The following FYB2 variants were observed in gnomAD, a reference collection of about 807,000 sequenced individuals.
The protein encoded by FYB2 is FYN binding protein 2, also known as FYN-binding protein 2.
In FYB2, 103 loss-of-function variants were observed where a neutral mutation model predicts 94.1. The observed-to-expected ratio is 1.09, with a 90% CI of 0.93 to 1.29. The LOEUF (loss-of-function observed/expected upper bound fraction) is 1.29. FYB2 is among the 50% of genes most tolerant of loss of function. The pLI, the probability that FYB2 is intolerant of heterozygous loss-of-function variation, is 0.00. For synonymous variants in FYB2, 293 were observed against 287.9 expected (o/e 1.02, Z -0.18); for missense variants, 896 against 841.5 (o/e 1.06, Z -0.80).
intron 11 of FYB2, 36 bp from the exon 12 acceptor site, chr1:56,742,257 T>C (rs559208559): frequency 6.9e-7 from 1 of 1,449,686 alleles, no homozygotes; most frequent in South Asian, 1.2e-5. Flanking sequence ...ATATTCATTA[T>C]AATAGCAATA....
intron 17 of FYB2, among the ~76,000 whole-genome samples, chr1:56,723,370 A>T (rs1644524315): frequency 6.6e-6 from 1 of 151,992 alleles, no homozygotes; most frequent in Non-Finnish European, 1.5e-5. Flanking sequence ...CTTCAAGAAC[A>T]ACTTAGGAGT....
At chr1:56,773,829 G>A (rs1015567010) in intron 4 of FYB2, among the ~76,000 whole-genome samples, 1 of 152,148 alleles carries the variant, frequency 6.6e-6, no homozygotes, top group Non-Finnish European at 1.5e-5. Context: ...AACAGGAGTA[G>A]CTTAGTCAGC....
the FYB2 span, chr1:56,826,518 C>T: frequency 0.042 from 6,446 of 152,410 alleles, 442 homozygotes; most frequent in African/African-American, 0.14. Flanking sequence ...TTGGCCTATC[C>T]CATTTTCTCT....
intron 1 of FYB2, among the ~76,000 whole-genome samples, chr1:56,801,598 G>C (rs994629932): frequency 6.6e-6 from 1 of 152,038 alleles, no homozygotes; most frequent in East Asian, 1.9e-4. Flanking sequence ...AGTAATAAAT[G>C]AACCGTCTCC....
chr1:56,826,002 G>A, the FYB2 span, among the ~76,000 whole-genome samples: 96 of 152,308 alleles, frequency 6.3e-4, 1 homozygote, highest in East Asian at 0.012. Flanking sequence ...AGTGGACTAC[G>A]CCTCACTCAA....
chr1:56,738,222 G>C (rs1226270498), intron 14 of FYB2, among the ~76,000 whole-genome samples: 1 of 152,096 alleles, frequency 6.6e-6, no homozygotes, highest in Non-Finnish European at 1.5e-5. Context: ...ATCATATTCA[G>C]TTAGTGTCTT....
chr1:56,739,789 C>G, intron 13 of FYB2, among the ~76,000 whole-genome samples: 1 of 152,054 alleles, frequency 6.6e-6, no homozygotes, highest in East Asian at 1.9e-4. Flanking sequence ...GTGTTAGATG[C>G]TTTTGCCCAA....
chr1:56,773,717 AC>A (rs1436894388), intron 4 of FYB2, among the ~76,000 whole-genome samples: 1 of 152,192 alleles, frequency 6.6e-6, no homozygotes, highest in Non-Finnish European at 1.5e-5. Flanking sequence ...GACTTGAACA[AC>A]AAAACCTGTT....
At chr1:56,803,379 T>C (rs1646565802) in intron 1 of FYB2, among the ~76,000 whole-genome samples, 1 of 152,198 alleles carries the variant, frequency 6.6e-6, no homozygotes, top group African/African-American at 2.4e-5. Flanking sequence ...AACGAGATCA[T>C]GAACTTTTCC....
chr1:56,735,332 A>G (rs1010938155), intron 15 of FYB2, among the ~76,000 whole-genome samples: 2 of 152,168 alleles, frequency 1.3e-5, no homozygotes, highest in Non-Finnish European at 2.9e-5. Context: ...AGTGGAGGAC[A>G]TTATGTTAAG....
Position 56,753,851 on chromosome 1 carries a change from G to A in FYB2, c.1215C>T (p.Asn405=), listed in dbSNP as rs775852619. 3 of 1,606,828 alleles carry A rather than the reference G, an allele frequency of 1.9e-6. No individual in the cohort carries two copies. Among genetic ancestry groups the A allele is most frequent in the Non-Finnish European group, 2.6e-6 (3 of 1,174,054 alleles). The change falls in exon 8 of 20, where the codon AAC becomes AAT. Residue 405 remains asparagine (N), a synonymous_variant. Coordinates refer to ENST00000343433, the MANE Select transcript of FYB2 (RefSeq NM_001004303.5). ...AGAACATAGGTACCTTGAAAACATG[G>A]TTTGAATATGGTTCCTTTTCTGTGT... ...PKNTEKEPYS[N]HVFKVDACEG...
intron 4 of FYB2, among the ~76,000 whole-genome samples, chr1:56,775,535 C>T (rs897182601): frequency 1.3e-5 from 2 of 152,238 alleles, no homozygotes; most frequent in South Asian, 4.1e-4. Context: ...ATCTTTGGCT[C>T]TATGAAATAG....
chr1:56,757,944 ATTT>A (rs57915983), intron 6 of FYB2, among the ~76,000 whole-genome samples: 29,214 of 139,120 alleles, frequency 0.21, 3,169 homozygotes, highest in African/African-American at 0.3. Context: ...TAATTTTTGT[ATTT>A]TTTTTTTTTT....
intron 8 of FYB2, among the ~76,000 whole-genome samples, chr1:56,752,016 A>G (rs569746762): frequency 1.3e-5 from 2 of 152,060 alleles, no homozygotes; most frequent in African/African-American, 4.8e-5. Context: ...TGGATAAAGG[A>G]GTATCTGGCA....
At chr1:56,800,221 T>C (rs1389956951) in intron 1 of FYB2, among the ~76,000 whole-genome samples, 1 of 152,076 alleles carries the variant, frequency 6.6e-6, no homozygotes, top group African/African-American at 2.4e-5. Flanking sequence ...AACTGTCAAA[T>C]CCTATCTAAG....
chr1:56,753,883 G>C lies in FYB2; in HGVS notation c.1183C>G (p.Pro395Ala), dbSNP rs1203800771. 3.1e-6 allele frequency: 5 copies of C among 1,611,420 alleles called. No individual in the cohort carries two copies. The African/African-American group carries it at 6.7e-5, about 22-fold the overall frequency. ...MKEKQPCELKPKNTEKEPYSN... is the reference protein window; with the variant it reads ...MKEKQPCELKAKNTEKEPYSN... The stretch of plus-strand genomic sequence containing the variant: ...TATGGTTCCTTTTCTGTGTTTTTAG[G>C]TTTCAATTCACATGGTTGTTTTTCC... The change falls in exon 8 of 20, where the codon CCT (proline) becomes GCT (alanine). Residue 395 changes from proline to alanine, a missense_variant. Coordinates refer to ENST00000343433, the MANE Select transcript of FYB2 (RefSeq NM_001004303.5).
intron 15 of FYB2, among the ~76,000 whole-genome samples, chr1:56,727,515 GA>G (rs1289032987): frequency 6.6e-6 from 1 of 151,982 alleles, no homozygotes; most frequent in Non-Finnish European, 1.5e-5. Context: ...ACATTAAAAT[GA>G]AAGGAAAAAT....
intron 5 of FYB2, among the ~76,000 whole-genome samples, chr1:56,761,410 G>A (rs1439637211): frequency 1.3e-5 from 2 of 152,104 alleles, no homozygotes; most frequent in Non-Finnish European, 2.9e-5. Context: ...GTAAGAAACG[G>A]CTTGCAAATT....
intron 2 of FYB2, among the ~76,000 whole-genome samples, chr1:56,789,433 A>C (rs2100954677): frequency 6.6e-6 from 1 of 152,276 alleles, no homozygotes; most frequent in East Asian, 1.9e-4. Context: ...TAAAGCCCAA[A>C]TATTTTTCAC....
Sources: allele counts gnomAD v4.1 joint callset (sites outside exome capture counted in the v4.1 genomes callset), GRCh38; gene constraint gnomAD v4.1.1; transcripts MANE v1.5; gene names NCBI Gene and HGNC (gene_info 2026-07-23, HGNC 2026-07-21).